EPHA10: variants seen among roughly 807,000 people sequenced by gnomAD.
EPHA10 encodes ephrin type-A receptor 10.
Under a neutral mutation model 109.7 loss-of-function variants are expected in EPHA10, and 120 were observed. The observed-to-expected ratio is 1.09, with a 90% CI of 0.94 to 1.27. EPHA10 has a LOEUF of 1.27. Among genes scored for constraint, EPHA10 ranks in the 50% most tolerant of loss-of-function variants. The pLI is 0.00. For synonymous variants in EPHA10, 640 were observed against 618.9 expected (o/e 1.03, Z -0.51); for missense variants, 1,396 against 1,411.1 (o/e 0.99, Z 0.17).
intron 6 of EPHA10, among the ~76,000 whole-genome samples, chr1:37,732,734 G>A (rs560705679): frequency 1.1e-4 from 16 of 152,240 alleles, no homozygotes; most frequent in African/African-American, 3.9e-4. Flanking sequence ...GTTGAGATGA[G>A]CAGCACTGTG....
chr1:37,758,734 C>T (rs1265816489), intron 3 of EPHA10, among the ~76,000 whole-genome samples: 1 of 152,178 alleles, frequency 6.6e-6, no homozygotes, highest in Non-Finnish European at 1.5e-5. Flanking sequence ...TTACCCCACA[C>T]GTTCTCCTGG....
intron 5 of EPHA10, among the ~76,000 whole-genome samples, chr1:37,750,822 G>A (rs926663242): frequency 5.9e-5 from 9 of 151,918 alleles, no homozygotes; most frequent in African/African-American, 1.9e-4. Context: ...CTCAGACTAA[G>A]GGCATGAGCC....
At chr1:37,741,830 C>G (rs569905697) in intron 5 of EPHA10, among the ~76,000 whole-genome samples, 1 of 151,652 alleles carries the variant, frequency 6.6e-6, no homozygotes, top group African/African-American at 2.4e-5. Flanking sequence ...GAGCTGCTTT[C>G]GAGGAAGAGT....
At position 37,752,801 on chromosome 1, in the gene EPHA10, C is replaced by G. The variant is rs1338802999; in HGVS notation, c.1357+75G>C. On this transcript the variant is annotated intron_variant, in intron 5 of 16. Transcript: ENST00000373048. ...TGGGTGGGTGGGGCTCCCGCAGGAC[C>G]GACGGGGCGGCCCCAAGAGGGCGCA... The G allele has an allele frequency of 2.8e-6, 3 of 1,090,062 alleles. No individual in the cohort carries two copies. In the Admixed American group the frequency reaches 1.3e-4, roughly 49 times the overall value. The allele number at this position is 1,090,062 out of a possible 1,614,324, so 67.5% of individuals were successfully genotyped here. A position where few individuals can be genotyped will look rare whatever the true frequency, so the allele number is the denominator to read the frequency against.
chr1:37,749,881 C>T (rs1646296894), intron 5 of EPHA10, among the ~76,000 whole-genome samples: 1 of 152,166 alleles, frequency 6.6e-6, no homozygotes, highest in Non-Finnish European at 1.5e-5. Context: ...GCCTGGGTGA[C>T]AGCATGTGAC....
At chr1:37,735,025 G>T (rs542994262) in intron 6 of EPHA10, among the ~76,000 whole-genome samples, 1 of 152,308 alleles carries the variant, frequency 6.6e-6, no homozygotes, top group South Asian at 2.1e-4. Flanking sequence ...AACACTAGGT[G>T]ACATGGGGAC....
In EPHA10 at chr1:37,727,156, A is replaced by T; in HGVS notation, c.1718T>A (p.Ile573Asn). Reference protein sequence around the residue: ...SPAIVVTVVTISALLVLGSVM... With the variant: ...SPAIVVTVVTNSALLVLGSVM... ...GGAGCCCAGGACGAGGAGGGCCGAGATGGTCACTACGGTGACGACAATGGC... is the reference window on the plus strand; with the variant it reads ...GGAGCCCAGGACGAGGAGGGCCGAGTTGGTCACTACGGTGACGACAATGGC... Residue 573 changes from isoleucine (I) to asparagine (N), a missense_variant, in exon 8 of 17, where the codon ATC becomes AAC. Physicochemically the swap from Ile to Asn is moderately radical, Grantham distance 149 (BLOSUM62 -3). Coordinates refer to ENST00000373048, the MANE Select transcript of EPHA10 (RefSeq NM_001099439.2). 6.2e-7 allele frequency: 1 copy of T among 1,613,136 alleles called. No homozygotes were observed. The highest frequency in any genetic ancestry group is 8.5e-7 in the Non-Finnish European group (1 of 1,179,528).
intron 3 of EPHA10, among the ~76,000 whole-genome samples, chr1:37,755,442 C>T (rs1401712000): frequency 6.6e-6 from 1 of 152,042 alleles, no homozygotes; most frequent in African/African-American, 2.4e-5. Flanking sequence ...GAGAAAAGGG[C>T]CAGTAAAAGT....
At chr1:37,728,179 T>C (rs138892885) in intron 7 of EPHA10, among the ~76,000 whole-genome samples, 24 of 152,124 alleles carry the variant, frequency 1.6e-4, no homozygotes, top group South Asian at 6.2e-4. Context: ...TGGCAAGTCG[T>C]CCCCTGTGTC....
At chr1:37,757,978 C>T (rs772771961) in intron 3 of EPHA10, among the ~76,000 whole-genome samples, 10 of 152,192 alleles carry the variant, frequency 6.6e-5, no homozygotes, top group Non-Finnish European at 1.2e-4. Context: ...GAGCCACCTC[C>T]TGTTGAAGGC....
intron 4 of EPHA10, among the ~76,000 whole-genome samples, chr1:37,753,625 G>A (rs1206972711): frequency 6.7e-6 from 1 of 150,346 alleles, no homozygotes; most frequent in Non-Finnish European, 1.5e-5. Flanking sequence ...GAGGGGTCGA[G>A]GGCGGATGAG....
At chr1:37,720,212 G>T in intron 13 of EPHA10, 139 bp downstream of exon 13, 1 of 1,393,200 alleles carries the variant, frequency 7.2e-7, no homozygotes, top group Non-Finnish European at 9.6e-7. Context: ...CTGACCTCAA[G>T]GTGGGGTTCA....
At position 37,716,719 on chromosome 1, in the gene EPHA10, CT is replaced by C; in HGVS notation, c.*1652del. Reference sequence around the variant, plus strand: ...CATGCTAGCCTCTCTGCATGGACTCCTTTTGTCCGAGGCCTGCCATCTTGCC... The same window carrying C: ...CATGCTAGCCTCTCTGCATGGACTCCTTTGTCCGAGGCCTGCCATCTTGCC... On this transcript the variant is annotated 3_prime_UTR_variant, in exon 17 of 17. Transcript: ENST00000373048. 1 of 233,016 alleles carries C rather than the reference CT, an allele frequency of 4.3e-6. No homozygotes were observed. Among genetic ancestry groups the C allele is most frequent in the Non-Finnish European group, 8.5e-6 (1 of 117,936 alleles). 14.4% of individuals were successfully genotyped at this position (233,016 alleles called of 1,614,324 possible).
rs747831293 is a variant in EPHA10, at chr1:37,720,563, G to A, written c.2209-9C>T. The stretch of plus-strand genomic sequence containing the variant: ...AGCTGCCCCTCGTGCCGCTGTGGAG[G>A]GAGAAGACTGAGGCCAGGGCTGTGC... On this transcript the variant is annotated splice_polypyrimidine_tract_variant and intron_variant, in intron 12 of 16. Coordinates refer to ENST00000373048, the MANE Select transcript of EPHA10 (RefSeq NM_001099439.2). The A allele has an allele frequency of 2.5e-6, 4 of 1,606,120 alleles. No individual in the cohort carries two copies. The East Asian group carries it at 6.7e-5, about 27-fold the overall frequency.
chr1:37,746,642 T>C (rs994193347), intron 5 of EPHA10, among the ~76,000 whole-genome samples: 1 of 152,222 alleles, frequency 6.6e-6, no homozygotes, highest in African/African-American at 2.4e-5. Context: ...AAACATATAT[T>C]CATTAATGTA....
In EPHA10 at chr1:37,735,296, C is replaced by G. The variant is rs1646050793; in HGVS notation, c.1452G>C (p.Gly484=). ...WREPIPAGAP[G]ANDTEYEIRY... is the part of the protein sequence containing the mutation. ...GGATCTCGTACTCCGTGTCATTGGC[C>G]CCAGGGGCTCCGGCAGGGATGGGCT... is the stretch of plus-strand genomic sequence containing the variant. Residue 484 remains glycine, a synonymous_variant, in exon 6 of 17, where the codon GGG becomes GGC. Coordinates refer to ENST00000373048, the MANE Select transcript of EPHA10 (RefSeq NM_001099439.2). 7 of 1,561,760 alleles carry G rather than the reference C, an allele frequency of 4.5e-6. No homozygotes were observed. The highest frequency in any genetic ancestry group is 5.2e-6 in the Non-Finnish European group (6 of 1,152,866).
chr1:37,751,201 C>CAAAAAAAAAAAAA (rs1320111085), intron 5 of EPHA10, among the ~76,000 whole-genome samples: 8 of 46,070 alleles, frequency 1.7e-4, no homozygotes, highest in Non-Finnish European at 1.6e-4. Context: ...AGACTCCTCT[C>CAAAAAAAAAAAAA]AAAAAAAAAA....
At chr1:37,727,005 CGTGT>C in intron 8 of EPHA10, 93 bp downstream of exon 8, 1 of 915,590 alleles carries the variant, frequency 1.1e-6, no homozygotes, top group Non-Finnish European at 1.6e-6. Flanking sequence ...TGCAAATCTG[CGTGT>C]GTGCAAAGTG....
chr1:37,724,756 G>A (rs1273609514), intron 8 of EPHA10, among the ~76,000 whole-genome samples: 11 of 152,316 alleles, frequency 7.2e-5, no homozygotes, highest in African/African-American at 1.9e-4. Context: ...AGCGGCCACC[G>A]CAGGGTGTTG....
Sources: allele counts gnomAD v4.1 joint callset (sites outside exome capture counted in the v4.1 genomes callset), GRCh38; gene constraint gnomAD v4.1.1; transcripts MANE v1.5; gene names NCBI Gene and HGNC (gene_info 2026-07-23, HGNC 2026-07-21).